DENND4C: variants seen among roughly 807,000 people sequenced by gnomAD.
The protein encoded by DENND4C is DENN domain containing 4C.
Under a neutral mutation model 203.0 loss-of-function variants are expected in DENND4C, and 108 were observed. The observed-to-expected ratio is 0.53, with a 90% CI of 0.46 to 0.62. The LOEUF (loss-of-function observed/expected upper bound fraction) is 0.62, where lower values mean the gene tolerates loss of function less well. Ranked by LOEUF, DENND4C falls within the 20% of genes least tolerant of loss-of-function variation. The probability of loss-of-function intolerance (pLI) is 0.00; values close to 1 mark genes in which losing one functional copy is unlikely to be tolerated. For synonymous variants in DENND4C, 871 were observed against 792.4 expected (o/e 1.10, Z -1.67); for missense variants, 2,481 against 2,301.2 (o/e 1.08, Z -1.60).
At chr9:19,277,619 C>T (rs566177848) in intron 2 of DENND4C, among the ~76,000 whole-genome samples, 10 of 151,784 alleles carry the variant, frequency 6.6e-5, no homozygotes, top group Admixed American at 1.3e-4. Flanking sequence ...AATAGTTTTA[C>T]TCCTTCCTTT....
At chr9:19,279,990 G>A (rs1316170060) in intron 2 of DENND4C, among the ~76,000 whole-genome samples, 1 of 149,538 alleles carries the variant, frequency 6.7e-6, no homozygotes, top group Non-Finnish European at 1.5e-5. Context: ...GAAATCAGTG[G>A]AGAAGGAAGG....
rs1835328500 is a variant in DENND4C, at chr9:19,287,014, G to A, written c.551G>A (p.Cys184Tyr). 1 of 1,231,924 alleles carries A rather than the reference G, an allele frequency of 8.1e-7. No homozygotes were observed. The highest frequency in any genetic ancestry group is 1.6e-5 in the African/African-American group (1 of 64,402). The allele number at this position is 1,231,924 out of a possible 1,614,324, so 76.3% of individuals were successfully genotyped here. A position where few individuals can be genotyped will look rare whatever the true frequency, so the allele number is the denominator to read the frequency against. ...TGCAAAGTTGACAAAAACTTAAATT[G>A]TGGAATGGTAAGAATAAAGTTTTCA... is the stretch of plus-strand genomic sequence containing the variant. ...TFCKVDKNLN[C>Y]GMWGSSVFLC... Residue 184 changes from cysteine to tyrosine, a missense_variant, in exon 3 of 33, where the codon TGT becomes TAT. By Grantham distance (194) the Cys-to-Tyr change is radical. Around this residue, in one of 3 missense-constraint regions of DENND4C, gnomAD observed 2,289 missense variants for 2,113.3 expected, o/e 1.08. Coordinates refer to ENST00000434457, the MANE Select transcript of DENND4C (RefSeq NM_001330640.2).
chr9:19,254,978 C>T (rs950999673), intron 1 of DENND4C, among the ~76,000 whole-genome samples: 1 of 151,842 alleles, frequency 6.6e-6, no homozygotes, highest in South Asian at 2.1e-4. Flanking sequence ...ACTAAAAATA[C>T]AAAAATTAGC....
intron 29 of DENND4C, among the ~76,000 whole-genome samples, 178 bp from the exon 30 acceptor site, chr9:19,361,668 A>G (rs1826520392): frequency 6.6e-6 from 1 of 152,180 alleles, no homozygotes; most frequent in Non-Finnish European, 1.5e-5. Context: ...AGAAACCTTG[A>G]CCTCAGAAAA....
chr9:19,244,091 C>G (rs901987185), intron 1 of DENND4C, among the ~76,000 whole-genome samples: 1 of 152,024 alleles, frequency 6.6e-6, no homozygotes, highest in African/African-American at 2.4e-5. Flanking sequence ...AGTGCAGTGG[C>G]GCAATCTCGG....
chr9:19,277,743 G>A (rs1349805677), intron 2 of DENND4C, among the ~76,000 whole-genome samples: 1 of 152,112 alleles, frequency 6.6e-6, no homozygotes, highest in African/African-American at 2.4e-5. Context: ...CTGATTTTAG[G>A]TGGAAAGCTT....
At chr9:19,266,916 G>A (rs906231528) in intron 1 of DENND4C, among the ~76,000 whole-genome samples, 2 of 152,102 alleles carry the variant, frequency 1.3e-5, no homozygotes, top group Non-Finnish European at 2.9e-5. Flanking sequence ...CATAGGTATG[G>A]GCAAGGACTT....
rs567149557 is a variant in DENND4C, at chr9:19,269,805, A to T, written c.-17-6353A>T. 2.6e-5 allele frequency among the ~76,000 whole-genome samples: 4 copies of T among 152,182 alleles called. No homozygotes were observed. The South Asian group carries it at 8.3e-4, about 32-fold the overall frequency. ...GGTCATGTTTTCCTGTATGGTCTTG[A>T]TGCTTGTGGATGTTTGTTGATGTCT... is the stretch of plus-strand genomic sequence containing the variant. On this transcript the variant is annotated intron_variant, in intron 1 of 32. Coordinates refer to ENST00000434457, the MANE Select transcript of DENND4C (RefSeq NM_001330640.2).
chr9:19,367,241 A>G lies in DENND4C; in HGVS notation c.5525-2596A>G, dbSNP rs116824495. On this transcript the variant is annotated intron_variant, in intron 30 of 32. Coordinates refer to ENST00000434457, the MANE Select transcript of DENND4C (RefSeq NM_001330640.2). ...GTGGAACCCTCAGACACTGTCAGTT[A>G]GAATATAAAATTGTGCAGCTCCTTT... Among the ~76,000 whole-genome samples the G allele has an allele frequency of 4.4e-3, 672 of 152,252 alleles. 3 individuals carry two copies. The highest frequency in any genetic ancestry group is 0.015 in the African/African-American group (640 of 41,584).
chr9:19,289,588 G>C lies in DENND4C; in HGVS notation c.628+923G>C, dbSNP rs1294445862. Among the ~76,000 whole-genome samples the C allele has an allele frequency of 2.0e-5, 3 of 152,262 alleles. No homozygotes were observed. The East Asian group carries it at 5.8e-4, about 29-fold the overall frequency. Reference sequence around the variant, plus strand: ...TCACGCCTGTAATTCCAGCACTTTGGGAGAGTGAGGCGGGCAGATCGCTTG... The same window carrying C: ...TCACGCCTGTAATTCCAGCACTTTGCGAGAGTGAGGCGGGCAGATCGCTTG... On this transcript the variant is annotated intron_variant, in intron 4 of 32. Transcript: ENST00000434457.
chr9:19,327,033 A>C (rs1472792621), intron 15 of DENND4C, among the ~76,000 whole-genome samples: 2 of 152,110 alleles, frequency 1.3e-5, no homozygotes, highest in Non-Finnish European at 2.9e-5. Flanking sequence ...ATCCCAAAAT[A>C]GAGAATTAAT....
intron 12 of DENND4C, among the ~76,000 whole-genome samples, chr9:19,318,654 G>A (rs117078466): frequency 6.6e-6 from 1 of 152,270 alleles, no homozygotes; most frequent in Non-Finnish European, 1.5e-5. Context: ...TAGCAGGTTT[G>A]ATTTCTTCTG....
chr9:19,283,687 C>T (rs1004891424), intron 2 of DENND4C, among the ~76,000 whole-genome samples: 1 of 147,948 alleles, frequency 6.8e-6, no homozygotes, highest in African/African-American at 2.5e-5. Context: ...TCTTGGCTCA[C>T]TGCAACTCCG....
chr9:19,263,064 G>T (rs992343622), intron 1 of DENND4C, among the ~76,000 whole-genome samples: 1 of 152,180 alleles, frequency 6.6e-6, no homozygotes, highest in Non-Finnish European at 1.5e-5. Context: ...AAAACAGTCT[G>T]TTATGGGTCT....
chr9:19,256,050 C>T (rs558982779), intron 1 of DENND4C, among the ~76,000 whole-genome samples: 1 of 139,346 alleles, frequency 7.2e-6, no homozygotes, highest in South Asian at 2.3e-4. Flanking sequence ...CCAGGCTGGG[C>T]AACATAGCAA....
At chr9:19,364,328 G>C (rs1156977686) in intron 30 of DENND4C, among the ~76,000 whole-genome samples, 7 of 152,216 alleles carry the variant, frequency 4.6e-5, no homozygotes, top group African/African-American at 1.7e-4. Context: ...TTTTAGATGT[G>C]TAAAATGATA....
At chr9:19,370,854 A>G (rs551419065) in intron 31 of DENND4C, among the ~76,000 whole-genome samples, 25 of 152,356 alleles carry the variant, frequency 1.6e-4, no homozygotes, top group South Asian at 1.2e-3. Flanking sequence ...TAATGTTTCC[A>G]TGGTCCCCTT....
intron 2 of DENND4C, among the ~76,000 whole-genome samples, chr9:19,278,749 G>C (rs1833424103): frequency 6.6e-6 from 1 of 152,034 alleles, no homozygotes; most frequent in African/African-American, 2.4e-5. Flanking sequence ...TTTCCTTCAA[G>C]TCAGTATAGT....
At chr9:19,359,469 C>T (rs1826020032) in intron 28 of DENND4C, among the ~76,000 whole-genome samples, 1 of 151,832 alleles carries the variant, frequency 6.6e-6, no homozygotes, top group Admixed American at 6.6e-5. Context: ...GAAGTTAGCT[C>T]ATTAGTCCTT....
Sources: gnomAD v4.1 joint callset for allele counts (sites outside exome capture counted in the v4.1 genomes callset) on GRCh38, gnomAD v4.1.1 for gene constraint, gnomAD v4.1.1 regional missense constraint, MANE v1.5 for transcripts, NCBI Gene and HGNC (gene_info 2026-07-23, HGNC 2026-07-21) for gene names.